CD22: variants seen among roughly 807,000 people sequenced by gnomAD.
CD22 encodes the protein CD22 molecule.
In CD22, 51 loss-of-function variants were observed where a neutral mutation model predicts 94.7. That is an observed-to-expected ratio of 0.54 (90% confidence interval 0.43 to 0.68). The LOEUF (loss-of-function observed/expected upper bound fraction) is 0.68. Ranked by LOEUF, CD22 falls within the 30% of genes least tolerant of loss-of-function variation. The pLI is 0.00. For missense variants in CD22, 931 were observed against 1,060.4 expected, an observed-to-expected ratio of 0.88 and a Z score of 1.69; for synonymous variants, 424 against 422.5, an observed-to-expected ratio of 1.00 and a Z score of -0.04.
chr19:35,338,864 C>T (rs545465410), intron 6 of CD22, among the ~76,000 whole-genome samples: 8 of 151,896 alleles, frequency 5.3e-5, no homozygotes, highest in African/African-American at 1.9e-4. Flanking sequence ...CTCCTGACCT[C>T]GTGATCCACC....
intron 9 of CD22, among the ~76,000 whole-genome samples, chr19:35,344,565 C>A (rs950181039): frequency 6.6e-6 from 1 of 152,222 alleles, no homozygotes; most frequent in Non-Finnish European, 1.5e-5. Context: ...GAGCTGCACC[C>A]ATTTATGCGG....
At chr19:35,338,140 C>T (rs989321145) in intron 5 of CD22, 28 bp from the exon 6 acceptor site, 6 of 1,591,308 alleles carry the variant, frequency 3.8e-6, no homozygotes, top group East Asian at 4.5e-5. Context: ...CTCCTCACCC[C>T]TCCACTCGCC....
chr19:35,335,358 C>A (rs574707544), intron 3 of CD22, among the ~76,000 whole-genome samples: 1 of 151,894 alleles, frequency 6.6e-6, no homozygotes, highest in Non-Finnish European at 1.5e-5. Context: ...GAGTTTGAGA[C>A]CAGCCTGGGT....
chr19:35,332,796 T>G lies in CD22; in HGVS notation c.284T>G (p.Leu95Arg), dbSNP rs145580205. Residue 95 changes from leucine to arginine, a missense_variant, in exon 3 of 14, where the codon CTG becomes CGG. Physicochemically the swap from Leu to Arg is moderately radical, Grantham distance 102. Coordinates refer to ENST00000085219, the MANE Select transcript of CD22 (RefSeq NM_001771.4). ...VPSEQKRVQF[L>R]GDKNKNCTLS... ...TCTGAGCAGAAAAGGGTGCAATTCCTGGGAGACAAGAATAAGAACTGCACA... is the reference window on the plus strand; with the variant it reads ...TCTGAGCAGAAAAGGGTGCAATTCCGGGGAGACAAGAATAAGAACTGCACA... 2.5e-6 allele frequency: 4 copies of G among 1,614,080 alleles called. No homozygotes were observed. The highest frequency in any genetic ancestry group is 3.4e-6 in the Non-Finnish European group (4 of 1,180,038).
Position 35,332,537 on chromosome 19 carries a change from CTG to C in CD22, c.35-7_35-6del, listed in dbSNP as rs757747090. 3.8e-6 allele frequency: 6 copies of C among 1,599,804 alleles called. No individual in the cohort carries two copies. The African/African-American group carries it at 6.7e-5, about 18-fold the overall frequency. Reference sequence around the variant, plus strand: ...CCCCCTTAGTAATGCTTTCTGATCACTGTGGTGAGTTCTAGAATACTTGGCTT... The same window carrying C: ...CCCCCTTAGTAATGCTTTCTGATCACTGGTGAGTTCTAGAATACTTGGCTT... On this transcript the variant is annotated splice_polypyrimidine_tract_variant and splice_region_variant and intron_variant, in intron 2 of 13. Coordinates refer to ENST00000085219, the MANE Select transcript of CD22 (RefSeq NM_001771.4).
At chr19:35,334,427 T>C (rs1304399543) in intron 3 of CD22, among the ~76,000 whole-genome samples, 1 of 151,410 alleles carries the variant, frequency 6.6e-6, no homozygotes, top group Admixed American at 6.6e-5. Context: ...GAACATCTTA[T>C]AATTTTTATA....
chr19:35,336,380 T>G (rs372913248), intron 4 of CD22, 39 bp downstream of exon 4: 30 of 1,590,820 alleles, frequency 1.9e-5, no homozygotes, highest in Non-Finnish European at 2.6e-5. Flanking sequence ...GGGCAAGGTC[T>G]GTGTCACCTT....
Position 35,332,156 on chromosome 19 carries a change from G to A in CD22, c.34+82G>A, listed in dbSNP as rs2066654399. ...GGAGGAGGAAAGACCCAGGCAGAGA[G>A]GCGTCAACATAGGGTAGGGTGGGGG... On this transcript the variant is annotated intron_variant, in intron 2 of 13. Transcript: ENST00000085219. 3.3e-6 allele frequency: 5 copies of A among 1,535,266 alleles called. No individual in the cohort carries two copies. In the South Asian group the frequency reaches 3.4e-5, roughly 10 times the overall value.
At position 35,337,428 on chromosome 19, in the gene CD22, A is replaced by G. The variant is rs919142468; in HGVS notation, c.719-327A>G. On this transcript the variant is annotated intron_variant, in intron 4 of 13. Transcript: ENST00000085219. This position sits in a 1 kb window ranked among gnomAD's most constrained non-coding sequence, Gnocchi z 4.4. ...GCCTCTGAGGGCCACATGGTAGGAC[A>G]GGAGGCAGGAGATGGAGCAGGACTC... Among the ~76,000 whole-genome samples, 2 of 152,160 alleles carry G rather than the reference A, an allele frequency of 1.3e-5. No individual in the cohort carries two copies. Among genetic ancestry groups the G allele is most frequent in the Non-Finnish European group, 2.9e-5 (2 of 68,022 alleles).
Position 35,344,909 on chromosome 19 carries a change from C to T in CD22, c.2116C>T (p.Leu706Phe). Residue 706 changes from leucine (L) to phenylalanine (F), a missense_variant, in exon 10 of 14, where the codon CTC (leucine) becomes TTC (phenylalanine). Leu to Phe is a conservative substitution (Grantham distance 22, BLOSUM62 0). Coordinates refer to ENST00000085219, the MANE Select transcript of CD22 (RefSeq NM_001771.4). ...CATCCTCATCCTGGCAATCTGTGGG[C>T]TCAAGCTCCAGCGACGGTGAGCTCC... ...LAILILAICG[L>F]KLQRRWKRTQ... The T allele has an allele frequency of 6.2e-7, 1 of 1,613,956 alleles. No homozygotes were observed. Among genetic ancestry groups the T allele is most frequent in the Non-Finnish European group, 8.5e-7 (1 of 1,179,830 alleles).
chr19:35,333,096 C>T (rs881456), intron 3 of CD22, 172 bp downstream of exon 3: 13,335 of 618,712 alleles, frequency 0.022, 222 homozygotes, highest in Middle Eastern at 0.027. Context: ...TGCGGGACCT[C>T]GGATGTCCCA....
chr19:35,340,766 T>G, intron 6 of CD22, 115 bp from the exon 7 acceptor site: 1 of 1,123,424 alleles, frequency 8.9e-7, no homozygotes, highest in Non-Finnish European at 1.3e-6. Context: ...CCCCTTTGAT[T>G]AATTTAGGAC....
chr19:35,335,035 G>A (rs943345936), intron 3 of CD22, among the ~76,000 whole-genome samples: 7 of 131,012 alleles, frequency 5.3e-5, no homozygotes, highest in East Asian at 2.3e-4. Flanking sequence ...CTGAGATCAC[G>A]CCACTACACT....
chr19:35,336,717 G>T (rs1054723106), intron 4 of CD22: 49 of 231,730 alleles, frequency 2.1e-4, no homozygotes, highest in Non-Finnish European at 3.9e-4. Flanking sequence ...GGTGGGCAGG[G>T]TGCAGCAGTG....
rs780517681 is a variant in CD22, at chr19:35,341,672, T to C, written c.1772-30T>C. ...ACCAGTGGCCTGCCTGGTAGTGACT[T>C]CGCACCCCCTCCCCCTGCCCGCCAT... On this transcript the variant is annotated intron_variant, in intron 8 of 13. Coordinates refer to ENST00000085219, the MANE Select transcript of CD22 (RefSeq NM_001771.4). The surrounding 1 kb of genome is among the most constrained non-coding windows in gnomAD (Gnocchi z 4.0). 1.1e-5 allele frequency: 18 copies of C among 1,605,988 alleles called. No individual in the cohort carries two copies. In the Admixed American group the frequency reaches 3.0e-4, roughly 27 times the overall value.
Position 35,346,671 on chromosome 19 carries a change from G to A in CD22, c.2518G>A (p.Val840Met), listed in dbSNP as rs2066913705. Residue 840 changes from valine to methionine, a missense_variant, in exon 14 of 14, where the codon GTG (valine) becomes ATG (methionine). Val to Met is a conservative substitution (Grantham distance 21). Coordinates refer to ENST00000085219, the MANE Select transcript of CD22 (RefSeq NM_001771.4). ...VGERPQAQEN[V>M]DYVILKH is the part of the protein sequence containing the mutation. Reference sequence around the variant, plus strand: ...GGAGCGGCCTCAGGCACAAGAAAATGTGGACTATGTGATCCTCAAACATTG... The same window carrying A: ...GGAGCGGCCTCAGGCACAAGAAAATATGGACTATGTGATCCTCAAACATTG... 1.9e-6 allele frequency: 3 copies of A among 1,610,286 alleles called. No individual in the cohort carries two copies. Among genetic ancestry groups the A allele is most frequent in the Non-Finnish European group, 2.5e-6 (3 of 1,178,254 alleles).
intron 6 of CD22, 123 bp from the exon 7 acceptor site, chr19:35,340,758 C>G (rs1045923451): frequency 9.7e-6 from 10 of 1,031,080 alleles, no homozygotes; most frequent in African/African-American, 1.6e-5. Flanking sequence ...CACAAGCCCC[C>G]CTTTGATTAA....
intron 9 of CD22, among the ~76,000 whole-genome samples, chr19:35,342,602 G>A (rs1022771137): frequency 1.1e-4 from 17 of 152,014 alleles, no homozygotes; most frequent in African/African-American, 4.1e-4. Flanking sequence ...CAGGCCATCT[G>A]CCGCTGTGCT....
In CD22 at chr19:35,340,945, G is replaced by C. The variant is rs1280510610; in HGVS notation, c.1314G>C (p.Val438=). 1 of 1,614,066 alleles carries C rather than the reference G, an allele frequency of 6.2e-7. No homozygotes were observed. The highest frequency in any genetic ancestry group is 1.3e-5 in the African/African-American group (1 of 74,920). Residue 438 remains valine, a synonymous_variant, in exon 7 of 14, where the codon GTG becomes GTC. Coordinates refer to ENST00000085219, the MANE Select transcript of CD22 (RefSeq NM_001771.4). ...TGCCGATTCGAGAAGGAGACACAGT[G>C]ACCCTTTCCTGTAACTACAATTCCA... is the stretch of plus-strand genomic sequence containing the variant. The part of the protein sequence containing the change: ...NPMPIREGDT[V]TLSCNYNSSN...
Sources: gnomAD v4.1 joint callset for allele counts (sites outside exome capture counted in the v4.1 genomes callset) on GRCh38, gnomAD v4.1.1 for gene constraint, Gnocchi (gnomAD v3.1) non-coding constraint, MANE v1.5 for transcripts, NCBI Gene and HGNC (gene_info 2026-07-23, HGNC 2026-07-21) for gene names.